Variants in TACR3 observed in about 807,000 individuals in gnomAD.
TACR3 encodes neuromedin-K receptor.
Under a neutral mutation model 35.0 loss-of-function variants are expected in TACR3, and 34 were observed. That is an observed-to-expected ratio of 0.97 (90% CI 0.74 to 1.30). The LOEUF is 1.30. TACR3 is among the 50% of genes most tolerant of loss of function. The probability of loss-of-function intolerance (pLI) is 0.00; values close to 1 mark genes in which losing one functional copy is unlikely to be tolerated. For synonymous variants in TACR3, 233 were observed against 221.1 expected, an observed-to-expected ratio of 1.05 and a Z score of -0.48; for missense variants, 558 against 591.7, an observed-to-expected ratio of 0.94 and a Z score of 0.59.
At chr4:103,688,849 C>G (rs1329731708) in intron 1 of TACR3, among the ~76,000 whole-genome samples, 1 of 152,136 alleles carries the variant, frequency 6.6e-6, no homozygotes, top group Non-Finnish European at 1.5e-5. Flanking sequence ...GGCGATTCCT[C>G]AGGGATCTAG....
rs375591097 is a variant in TACR3 at position 103,705,736 on chromosome 4, A to G, written c.548+13392T>C. Among the ~76,000 whole-genome samples the G allele has an allele frequency of 2.2e-4, 33 of 152,286 alleles. 1 individual carries two copies. The South Asian group carries it at 6.8e-3, about 32-fold the overall frequency. ...TGAGGAATTGGAAGAAGAGAATTTGAGGGAGAAGGAAAACTGTGTATTCAA... is the reference window on the plus strand; with the variant it reads ...TGAGGAATTGGAAGAAGAGAATTTGGGGGAGAAGGAAAACTGTGTATTCAA... On this transcript the variant is annotated intron_variant, in intron 1 of 4. Transcript: ENST00000304883.
At chr4:103,686,245 A>C (rs1368781016) in intron 1 of TACR3, among the ~76,000 whole-genome samples, 2 of 152,216 alleles carry the variant, frequency 1.3e-5, no homozygotes, top group African/African-American at 4.8e-5. Context: ...AATGTGAGGC[A>C]GACTTGTAAA....
chr4:103,710,412 G>T (rs1335586613), intron 1 of TACR3, among the ~76,000 whole-genome samples: 1 of 152,110 alleles, frequency 6.6e-6, no homozygotes, highest in African/African-American at 2.4e-5. Context: ...TGACTACTGG[G>T]TAAATAACTA....
intron 3 of TACR3, among the ~76,000 whole-genome samples, chr4:103,613,909 CAG>C (rs1007984662): frequency 1.2e-4 from 18 of 152,032 alleles, no homozygotes; most frequent in Non-Finnish European, 2.6e-4. Flanking sequence ...AAGAGTGAGG[CAG>C]AGACAGAAAG....
At chr4:103,597,701 A>AT (rs1415097561) in intron 3 of TACR3, among the ~76,000 whole-genome samples, 9 of 149,322 alleles carry the variant, frequency 6.0e-5, no homozygotes, top group Non-Finnish European at 1.3e-4. Context: ...GAGAACATGC[A>AT]GTTTGGTTTT....
intron 3 of TACR3, among the ~76,000 whole-genome samples, chr4:103,606,504 G>A (rs888121100): frequency 1.1e-4 from 16 of 152,110 alleles, no homozygotes; most frequent in Non-Finnish European, 1.6e-4. Context: ...ATTTCACTGA[G>A]CAGTGGTTTG....
At chr4:103,621,834 G>A (rs1724787657) in intron 3 of TACR3, among the ~76,000 whole-genome samples, 1 of 151,996 alleles carries the variant, frequency 6.6e-6, no homozygotes, top group Admixed American at 6.6e-5. Flanking sequence ...TCAAGCTCAG[G>A]GCCTAAACCT....
intron 3 of TACR3, among the ~76,000 whole-genome samples, chr4:103,599,698 A>C (rs1442041500): frequency 1.3e-5 from 2 of 152,178 alleles, no homozygotes; most frequent in Non-Finnish European, 2.9e-5. Context: ...CCTTTTCTGC[A>C]TCTATTGAGA....
rs766387462 is a variant in TACR3, at chr4:103,589,029, A to C, written c.*653T>G. ...TAAAATTTCACTTTCTCAGAAAAAAAATCAAGAGAATGAAATATACATTTG... is the reference window on the plus strand; with the variant it reads ...TAAAATTTCACTTTCTCAGAAAAAACATCAAGAGAATGAAATATACATTTG... On this transcript the variant is annotated 3_prime_UTR_variant, in exon 5 of 5. Coordinates refer to ENST00000304883, the MANE Select transcript of TACR3 (RefSeq NM_001059.3). The C allele has an allele frequency of 1.3e-5, 2 of 152,130 alleles. No homozygotes were observed. Among genetic ancestry groups the C allele is most frequent in the Non-Finnish European group, 2.9e-5 (2 of 68,010 alleles). The allele number at this position is 152,130 out of a possible 1,614,324, so 9.4% of individuals were successfully genotyped here.
In TACR3 at chr4:103,658,240, G is replaced by C; in HGVS notation, c.712C>G (p.Pro238Ala). The C allele has an allele frequency of 1.2e-6, 2 of 1,613,854 alleles. No homozygotes were observed. The highest frequency in any genetic ancestry group is 1.7e-6 in the Non-Finnish European group (2 of 1,179,888). ...GTGAAATGTTGTTTGGGACCTTCTG[G>C]CCATTGCACAAAGCAGAGAGTACGG... ...PGRTLCFVQW[P>A]EGPKQHFTYH... The change falls in exon 2 of 5, where the codon CCA becomes GCA. Residue 238 changes from proline (P) to alanine (A), a missense_variant. By Grantham distance (27) the Pro-to-Ala change is conservative. Coordinates refer to ENST00000304883, the MANE Select transcript of TACR3 (RefSeq NM_001059.3).
At chr4:103,590,019 G>T in intron 4 of TACR3, 25 bp from the exon 5 acceptor site, 1 of 1,607,806 alleles carries the variant, frequency 6.2e-7, no homozygotes, top group Non-Finnish European at 8.5e-7. Context: ...GCCACAGAAA[G>T]AAAAAGTTAT....
chr4:103,597,266 G>C (rs1724051997), intron 3 of TACR3, among the ~76,000 whole-genome samples: 1 of 151,670 alleles, frequency 6.6e-6, no homozygotes, highest in African/African-American at 2.4e-5. Flanking sequence ...AGCACCTGTT[G>C]TTTCCTGACT....
chr4:103,660,908 A>G (rs905802883), intron 1 of TACR3, among the ~76,000 whole-genome samples: 2 of 152,056 alleles, frequency 1.3e-5, no homozygotes, highest in African/African-American at 2.4e-5. Context: ...AGGGTTACAT[A>G]CATCATATAT....
intron 3 of TACR3, among the ~76,000 whole-genome samples, chr4:103,602,491 C>CT (rs199678167): frequency 1.9e-4 from 29 of 150,288 alleles, no homozygotes; most frequent in South Asian, 1.9e-3. Context: ...TTTTTCTGCT[C>CT]TTTTTTTTTT....
Position 103,699,519 on chromosome 4 carries a change from T to G in TACR3, c.548+19609A>C, listed in dbSNP as rs1578262768. On this transcript the variant is annotated intron_variant, in intron 1 of 4. Coordinates refer to ENST00000304883, the MANE Select transcript of TACR3 (RefSeq NM_001059.3). ...ATATTGTGATTCCATTGCTAATAGG[T>G]TCACTCTGGCTGTTGCACTGAGAAC... Among the ~76,000 whole-genome samples the G allele has an allele frequency of 1.3e-5, 2 of 152,256 alleles. 1 individual carries two copies. The highest frequency in any genetic ancestry group is 4.1e-4 in the South Asian group (2 of 4,822).
At chr4:103,627,528 AT>A (rs1324494674) in intron 3 of TACR3, among the ~76,000 whole-genome samples, 5 of 151,396 alleles carry the variant, frequency 3.3e-5, no homozygotes, top group African/African-American at 1.2e-4. Flanking sequence ...GGTCAAAAAA[AT>A]AAATAAATAA....
intron 3 of TACR3, among the ~76,000 whole-genome samples, chr4:103,596,909 T>C (rs1724040645): frequency 6.6e-6 from 1 of 151,986 alleles, no homozygotes; most frequent in African/African-American, 2.4e-5. Flanking sequence ...GCTTCATCCA[T>C]GTCCCTACAA....
At chr4:103,702,666 G>T (rs1478865642) in intron 1 of TACR3, among the ~76,000 whole-genome samples, 1 of 151,964 alleles carries the variant, frequency 6.6e-6, no homozygotes, top group Non-Finnish European at 1.5e-5. Context: ...GTCAAACAAT[G>T]ATGGACTGGA....
intron 3 of TACR3, among the ~76,000 whole-genome samples, chr4:103,626,868 C>T (rs1248190815): frequency 6.6e-6 from 1 of 151,746 alleles, no homozygotes; most frequent in South Asian, 2.1e-4. Context: ...CCAAAGGTCC[C>T]TATGTATTGT....
Sources: allele counts gnomAD v4.1 joint callset (sites outside exome capture counted in the v4.1 genomes callset), GRCh38; gene constraint gnomAD v4.1.1; transcripts MANE v1.5; gene names NCBI Gene and HGNC (gene_info 2026-07-23, HGNC 2026-07-21).